Variants in COL22A1 observed in about 807,000 individuals in gnomAD.
COL22A1 encodes the protein collagen alpha-1(XXII) chain.
COL22A1 carries 221 observed loss-of-function variants against 248.9 expected under a neutral mutation model. That is an observed-to-expected ratio of 0.89 (90% confidence interval 0.80 to 0.99). The LOEUF is 0.99. COL22A1 is among the 50% of genes least tolerant of loss of function. The pLI, the probability that COL22A1 is intolerant of heterozygous loss-of-function variation, is 0.00. For missense variants in COL22A1, 2,240 were observed against 2,179.0 expected (o/e 1.03, Z -0.56); for synonymous variants, 891 against 793.4 (o/e 1.12, Z -2.07).
intron 3 of COL22A1, among the ~76,000 whole-genome samples, chr8:138,873,781 A>C (rs1042355965): frequency 6.6e-6 from 1 of 152,214 alleles, no homozygotes; most frequent in Admixed American, 6.5e-5. Context: ...GGGAATGTTT[A>C]CTATAATGCA....
At position 138,880,832 on chromosome 8, in the gene COL22A1, C is replaced by A. The variant is rs113275025; in HGVS notation, c.91+2250G>T. Among the ~76,000 whole-genome samples, 160 of 152,328 alleles carry A rather than the reference C, an allele frequency of 1.1e-3. 2 individuals are homozygous for A. The highest frequency in any genetic ancestry group is 2.0e-3 in the Non-Finnish European group (136 of 68,034). ...AATTGCTGCTGAGGGCCAGGCAGAA[C>A]CCGGCCTGCAGACTGTAATCCTAGA... On this transcript the variant is annotated intron_variant, in intron 2 of 64. Transcript: ENST00000303045.
At chr8:138,812,897 C>T in intron 8 of COL22A1, 42 bp downstream of exon 8, 3 of 1,452,200 alleles carry the variant, frequency 2.1e-6, no homozygotes, top group Non-Finnish European at 2.9e-6. Context: ...GGAGGCCACA[C>T]ACCCATTTCC....
At chr8:138,863,686 C>T (rs1452717495) in intron 3 of COL22A1, among the ~76,000 whole-genome samples, 2 of 152,292 alleles carry the variant, frequency 1.3e-5, no homozygotes, top group South Asian at 2.1e-4. Flanking sequence ...TGCTCTGCCT[C>T]CTGCAGTTTT....
intron 22 of COL22A1, 116 bp from the exon 23 acceptor site, chr8:138,737,693 A>T: frequency 1.4e-6 from 1 of 694,564 alleles, no homozygotes; most frequent in East Asian, 2.6e-5. Flanking sequence ...TCCCAGATTA[A>T]CAATTGTCCC....
chr8:138,725,452 G>C lies in COL22A1; in HGVS notation c.2140-12C>G, dbSNP rs770436083. 4 of 1,612,468 alleles carry C rather than the reference G, an allele frequency of 2.5e-6. No homozygotes were observed. Among genetic ancestry groups the C allele is most frequent in the Admixed American group, 1.7e-5 (1 of 59,608 alleles). On this transcript the variant is annotated splice_polypyrimidine_tract_variant and intron_variant, in intron 23 of 64. Transcript: ENST00000303045. ...GGTCCTGGAGGGCCCTGTAGAGAAA[G>C]AGCATTTGGTGGGCTACAGATGGGT...
chr8:138,906,380 A>AAAAC (rs1336210767), intron 1 of COL22A1, among the ~76,000 whole-genome samples: 1 of 150,832 alleles, frequency 6.6e-6, no homozygotes, highest in Non-Finnish European at 1.5e-5. Context: ...AAAAAAAAAA[A>AAAAC]ATTACCTACA....
At position 138,755,820 on chromosome 8, in the gene COL22A1, C is replaced by A; in HGVS notation, c.1912G>T (p.Gly638Ter). ...AGPQGEKGDVGPAGPPGVPGS... is the reference protein window; with the variant it reads ...AGPQGEKGDV ...GGTACACCAGGTGGCCCCGCAGGTCCCACGTCACCCTGCACAGAAACGACA... is the reference window on the plus strand; with the variant it reads ...GGTACACCAGGTGGCCCCGCAGGTCACACGTCACCCTGCACAGAAACGACA... The change falls in exon 19 of 65, where the codon GGA becomes TGA. Residue 638 changes from glycine (G) to a stop codon, truncating the protein, a stop_gained. Transcript: ENST00000303045. LOFTEE classifies it high-confidence loss of function. 1 of 1,614,070 alleles carries A rather than the reference C, an allele frequency of 6.2e-7. No homozygotes were observed.
chr8:138,629,341 G>C (rs1820519002), intron 50 of COL22A1, among the ~76,000 whole-genome samples: 1 of 151,974 alleles, frequency 6.6e-6, no homozygotes, highest in Admixed American at 6.6e-5. Flanking sequence ...ATTTTTAGTA[G>C]AGGGGTTTCA....
intron 47 of COL22A1, among the ~76,000 whole-genome samples, chr8:138,643,251 CG>C (rs1164386828): frequency 6.6e-6 from 1 of 152,108 alleles, no homozygotes; most frequent in Non-Finnish European, 1.5e-5. Flanking sequence ...AACACTGCCC[CG>C]GGCAAATCTC....
intron 37 of COL22A1, among the ~76,000 whole-genome samples, chr8:138,685,864 G>A (rs1826308669): frequency 6.6e-6 from 1 of 152,132 alleles, no homozygotes; most frequent in Non-Finnish European, 1.5e-5. Context: ...TGCAGCCTTA[G>A]TCAATCAACT....
rs6150848 is a variant in COL22A1 at position 138,663,016 on chromosome 8, T to TCACACACACACACACACACACACA, written c.3186+688_3186+689insTGTGTGTGTGTGTGTGTGTGTGTG. On this transcript the variant is annotated intron_variant, in intron 42 of 64. Coordinates refer to ENST00000303045, the MANE Select transcript of COL22A1 (RefSeq NM_152888.3). ...GGTTGACAGAGCAGGACTCTGTCAC[T>TCACACACACACACACACACACACA]CACACACACACACACACACAAAGCA... Among the ~76,000 whole-genome samples the TCACACACACACACACACACACACA allele has an allele frequency of 5.3e-3, 788 of 148,722 alleles. 9 individuals carry two copies. Among genetic ancestry groups the TCACACACACACACACACACACACA allele is most frequent in the African/African-American group, 0.018 (745 of 40,534 alleles).
chr8:138,723,281 C>T lies in COL22A1; in HGVS notation c.2248-1192G>A, dbSNP rs74821630. ...TCCCTGTGCCTCCAGCTTGGACTGG[C>T]GACTAGTGAAAAGACAGCCCCGCCT... On this transcript the variant is annotated intron_variant, in intron 25 of 64. Coordinates refer to ENST00000303045, the MANE Select transcript of COL22A1 (RefSeq NM_152888.3). 7.9e-5 allele frequency among the ~76,000 whole-genome samples: 12 copies of T among 152,142 alleles called. No homozygotes were observed. In the East Asian group the frequency reaches 1.7e-3, roughly 22 times the overall value.
intron 39 of COL22A1, among the ~76,000 whole-genome samples, chr8:138,679,899 A>G (rs1156307395): frequency 1.1e-4 from 17 of 152,122 alleles, no homozygotes; most frequent in Admixed American, 1.1e-3. Flanking sequence ...TCTGCCTTTG[A>G]CCAAAATAAA....
At chr8:138,815,249 C>A (rs1161645725) in intron 7 of COL22A1, among the ~76,000 whole-genome samples, 1 of 152,198 alleles carries the variant, frequency 6.6e-6, no homozygotes, top group African/African-American at 2.4e-5. Context: ...ATTGCACAGA[C>A]AGCTAACATC....
At chr8:138,703,407 G>T in intron 30 of COL22A1, 60 bp from the exon 31 acceptor site, 3 of 1,463,278 alleles carry the variant, frequency 2.1e-6, no homozygotes, top group Non-Finnish European at 2.9e-6. Flanking sequence ...TGCTTATGCT[G>T]CAACAGATCA....
intron 22 of COL22A1, among the ~76,000 whole-genome samples, chr8:138,749,004 C>T (rs991228367): frequency 6.6e-6 from 1 of 152,152 alleles, no homozygotes; most frequent in African/African-American, 2.4e-5. Flanking sequence ...GAATAAGTCT[C>T]ACGAGATTTC....
At chr8:138,640,563 C>T (rs10097597) in intron 47 of COL22A1, among the ~76,000 whole-genome samples, 126,729 of 152,016 alleles carry the variant, frequency 0.83, 54,349 homozygotes, top group East Asian at 0.96. Context: ...TAAAATCCTA[C>T]CTCCTCCAGG....
At position 138,588,413 on chromosome 8, in the gene COL22A1, C is replaced by T. The variant is rs1420622265; in HGVS notation, c.*840G>A. On this transcript the variant is annotated 3_prime_UTR_variant, in exon 65 of 65. Transcript: ENST00000303045. Reference sequence around the variant, plus strand: ...TTAGGGAAACACAAGTGGATGGTCACCACATCCACTTGTTTTATAATTAAT... The same window carrying T: ...TTAGGGAAACACAAGTGGATGGTCATCACATCCACTTGTTTTATAATTAAT... 1 of 152,156 alleles carries T rather than the reference C, an allele frequency of 6.6e-6. No homozygotes were observed. Among genetic ancestry groups the T allele is most frequent in the Non-Finnish European group, 1.5e-5 (1 of 68,028 alleles). 9.4% of individuals were successfully genotyped at this position (152,156 alleles called of 1,614,324 possible).
At chr8:138,770,254 G>C (rs927210957) in intron 16 of COL22A1, among the ~76,000 whole-genome samples, 2 of 152,208 alleles carry the variant, frequency 1.3e-5, no homozygotes, top group African/African-American at 4.8e-5. Flanking sequence ...TGGTTTTCTA[G>C]GTGGAAACAG....
Sources: gnomAD v4.1 joint callset for allele counts (sites outside exome capture counted in the v4.1 genomes callset) on GRCh38, gnomAD v4.1.1 for gene constraint, MANE v1.5 for transcripts, NCBI Gene and HGNC (gene_info 2026-07-23, HGNC 2026-07-21) for gene names.